The following SHISA9 variants were observed in gnomAD, a reference collection of about 807,000 sequenced individuals.
SHISA9 encodes shisa family member 9.
A neutral mutation model predicts 38.0 loss-of-function variants in SHISA9; 13 were observed. The observed-to-expected ratio is 0.34, with a 90% CI of 0.22 to 0.54. The LOEUF (loss-of-function observed/expected upper bound fraction) is 0.54. SHISA9 is among the 20% of genes least tolerant of loss of function. The probability of loss-of-function intolerance (pLI) is 0.91; values close to 1 mark genes in which losing one functional copy is unlikely to be tolerated. For missense variants in SHISA9, 538 were observed against 575.8 expected, an observed-to-expected ratio of 0.93 and a Z score of 0.67; for synonymous variants, 275 against 242.0, an observed-to-expected ratio of 1.14 and a Z score of -1.27.
chr16:13,241,956 G>C (rs149954792), downstream of SHISA9, among the ~76,000 whole-genome samples: 333 of 152,252 alleles, frequency 2.2e-3, 2 homozygotes, highest in African/African-American at 7.2e-3. Flanking sequence ...CCTCTGTGAG[G>C]AGAGCCACAC....
chr16:13,197,112 C>T (rs995644694), intron 2 of SHISA9, among the ~76,000 whole-genome samples: 4 of 87,034 alleles, frequency 4.6e-5, no homozygotes, highest in Admixed American at 1.3e-4. Flanking sequence ...CATACACACA[C>T]ACACACACAC....
the SHISA9 span, among the ~76,000 whole-genome samples, chr16:13,402,930 AAC>A: frequency 3.3e-5 from 5 of 152,158 alleles, no homozygotes; most frequent in African/African-American, 1.2e-4. Context: ...CATCCTGGCT[AAC>A]ACAGTCAAAC....
the SHISA9 span, among the ~76,000 whole-genome samples, chr16:13,402,204 A>C: frequency 1.3e-5 from 2 of 152,198 alleles, no homozygotes; most frequent in African/African-American, 4.8e-5. Context: ...AAGTCCCACA[A>C]CATGCTGTCT....
At chr16:12,994,763 G>A (rs759316539) in intron 2 of SHISA9, among the ~76,000 whole-genome samples, 46 of 152,198 alleles carry the variant, frequency 3.0e-4, no homozygotes, top group Non-Finnish European at 6.0e-4. Context: ...GGTATATGAT[G>A]TGATGGGTGA....
At chr16:12,921,064 A>G (rs981839603) in intron 2 of SHISA9, among the ~76,000 whole-genome samples, 3 of 152,216 alleles carry the variant, frequency 2.0e-5, no homozygotes, top group African/African-American at 7.2e-5. Context: ...TTGGAATGGA[A>G]CCAGTTGTTG....
intron 2 of SHISA9, among the ~76,000 whole-genome samples, chr16:13,040,731 A>C (rs2073123521): frequency 6.6e-6 from 1 of 152,208 alleles, no homozygotes; most frequent in Admixed American, 6.5e-5. Context: ...TTTGGTAAAG[A>C]AAAGCTTCTT....
At chr16:13,510,233 G>A in the SHISA9 span, among the ~76,000 whole-genome samples, 1,350 of 152,212 alleles carry the variant, frequency 8.9e-3, 29 homozygotes, top group African/African-American at 0.031. Flanking sequence ...ACTTGAATCC[G>A]GGAGGTAGAG....
the SHISA9 span, among the ~76,000 whole-genome samples, chr16:13,434,748 A>G: frequency 4.3e-4 from 65 of 152,236 alleles, no homozygotes; most frequent in African/African-American, 1.5e-3. Flanking sequence ...CATAGTAAGT[A>G]CTCAATAATT....
the SHISA9 span, among the ~76,000 whole-genome samples, chr16:13,439,234 G>A: frequency 1.1e-4 from 16 of 152,284 alleles, no homozygotes; most frequent in South Asian, 4.1e-4. Context: ...GGAGAAGGAC[G>A]TGGGGAGATG....
chr16:13,142,710 A>G (rs547561969), intron 2 of SHISA9, among the ~76,000 whole-genome samples: 1 of 152,040 alleles, frequency 6.6e-6, no homozygotes, highest in East Asian at 1.9e-4. Context: ...TATTACCTTT[A>G]TTTTATTACC....
At chr16:13,283,118 G>A in the SHISA9 span, among the ~76,000 whole-genome samples, 1 of 152,052 alleles carries the variant, frequency 6.6e-6, no homozygotes, top group African/African-American at 2.4e-5. Flanking sequence ...TTGAATTCTA[G>A]TTTTTTGAAG....
chr16:13,062,783 AT>A (rs34651400), intron 2 of SHISA9, among the ~76,000 whole-genome samples: 2 of 152,000 alleles, frequency 1.3e-5, no homozygotes, highest in Non-Finnish European at 2.9e-5. Context: ...ATTACTTTTG[AT>A]TTTTAAAACT....
chr16:13,432,403 G>A, the SHISA9 span, among the ~76,000 whole-genome samples: 3 of 152,268 alleles, frequency 2.0e-5, no homozygotes, highest in African/African-American at 4.8e-5. Context: ...ATGGTGATGC[G>A]TTGAGAAAGA....
At chr16:13,119,418 T>A (rs2074063466) in intron 2 of SHISA9, among the ~76,000 whole-genome samples, 2 of 152,172 alleles carry the variant, frequency 1.3e-5, no homozygotes, top group East Asian at 1.9e-4. Flanking sequence ...AGTCTCAGGG[T>A]CTTTTTCTTT....
chr16:13,136,090 A>G (rs1009771966), intron 2 of SHISA9, among the ~76,000 whole-genome samples: 1 of 152,156 alleles, frequency 6.6e-6, no homozygotes, highest in Non-Finnish European at 1.5e-5. Flanking sequence ...CTTTGTTTAA[A>G]TTAGTAATAT....
chr16:13,519,857 A>G, the SHISA9 span, among the ~76,000 whole-genome samples: 1 of 152,044 alleles, frequency 6.6e-6, no homozygotes, highest in South Asian at 2.1e-4. Context: ...TGATTCAATT[A>G]CCTCCTACCG....
At chr16:13,199,367 C>G (rs761526531) in intron 2 of SHISA9, among the ~76,000 whole-genome samples, 2 of 152,148 alleles carry the variant, frequency 1.3e-5, no homozygotes, top group African/African-American at 4.8e-5. Flanking sequence ...TCTGCTGTAG[C>G]TCTGTAGAAA....
intron 2 of SHISA9, among the ~76,000 whole-genome samples, chr16:13,080,115 T>A (rs1596634076): frequency 6.6e-6 from 1 of 152,184 alleles, no homozygotes. Context: ...GGCTCACGCC[T>A]GTAATCCCAG....
chr16:13,303,494 A>G, the SHISA9 span, among the ~76,000 whole-genome samples: 1 of 151,898 alleles, frequency 6.6e-6, no homozygotes, highest in Non-Finnish European at 1.5e-5. Flanking sequence ...CCAGACACAA[A>G]AGGTCACATA....
Sources: allele counts gnomAD v4.1 joint callset (sites outside exome capture counted in the v4.1 genomes callset), GRCh38; gene constraint gnomAD v4.1.1; transcripts MANE v1.5; gene names NCBI Gene and HGNC (gene_info 2026-07-23, HGNC 2026-07-21).